PCCA: variants seen among roughly 807,000 people sequenced by gnomAD.
PCCA encodes the protein propionyl-CoA carboxylase subunit alpha.
In PCCA, 74 loss-of-function variants were observed where a neutral mutation model predicts 101.3. The observed-to-expected ratio is 0.73, with a 90% confidence interval of 0.61 to 0.89. The LOEUF is 0.89. Ranked by LOEUF, PCCA falls within the 40% of genes least tolerant of loss-of-function variation. PCCA has a pLI of 0.00. For synonymous variants in PCCA, 294 were observed against 313.6 expected (o/e 0.94, Z 0.66); for missense variants, 891 against 907.0 (o/e 0.98, Z 0.23).
chr13:100,314,830 T>C (rs2067201252), intron 16 of PCCA, among the ~76,000 whole-genome samples: 1 of 152,226 alleles, frequency 6.6e-6, no homozygotes, highest in African/African-American at 2.4e-5. Context: ...CAATGTGTGA[T>C]CCTGGTTTAG....
intron 11 of PCCA, among the ~76,000 whole-genome samples, chr13:100,269,494 G>A (rs55888658): frequency 0.024 from 3,609 of 152,174 alleles, 148 homozygotes; most frequent in African/African-American, 0.084. Context: ...TGTGGTTCTT[G>A]GAAATTCCTT....
chr13:100,422,146 T>C lies in PCCA; in HGVS notation c.1747-3487T>C, dbSNP rs187191852. On this transcript the variant is annotated intron_variant, in intron 19 of 23. Coordinates refer to ENST00000376285, the MANE Select transcript of PCCA (RefSeq NM_000282.4). ...TTCTTTCTTTCTTTCTTTTTTTTTT[T>C]TTTTTTGACAGCATTTTGCTCTGTC... Among the ~76,000 whole-genome samples, 200 of 147,086 alleles carry C rather than the reference T, an allele frequency of 1.4e-3. 2 individuals are homozygous for C. The highest frequency in any genetic ancestry group is 4.8e-3 in the African/African-American group (189 of 39,740).
chr13:100,438,990 T>C (rs757445849), intron 20 of PCCA, among the ~76,000 whole-genome samples: 2 of 151,972 alleles, frequency 1.3e-5, no homozygotes, highest in Non-Finnish European at 2.9e-5. Flanking sequence ...AACAATGGAG[T>C]TGGGTTTAAC....
intron 1 of PCCA, 41 bp from the exon 2 acceptor site, chr13:100,102,842 A>C (rs373673401): frequency 3.0e-5 from 40 of 1,331,546 alleles, no homozygotes; most frequent in Non-Finnish European, 4.1e-5. Context: ...TCTAAAGCCC[A>C]TCAAGTATTT....
At chr13:100,129,532 C>T (rs2050282980) in intron 4 of PCCA, among the ~76,000 whole-genome samples, 1 of 152,144 alleles carries the variant, frequency 6.6e-6, no homozygotes, top group African/African-American at 2.4e-5. Context: ...GCCATTGCTG[C>T]CTCCCACCTT....
intron 7 of PCCA, among the ~76,000 whole-genome samples, chr13:100,212,715 G>A (rs1467968085): frequency 6.6e-6 from 1 of 151,684 alleles, no homozygotes; most frequent in Non-Finnish European, 1.5e-5. Flanking sequence ...TAATGTCTTT[G>A]TGTTACAAAC....
At chr13:100,116,070 G>C (rs2048768588) in intron 4 of PCCA, among the ~76,000 whole-genome samples, 1 of 152,160 alleles carries the variant, frequency 6.6e-6, no homozygotes, top group Admixed American at 6.5e-5. Flanking sequence ...GGCTGAAAAG[G>C]TGAATTCCTG....
At chr13:100,475,952 T>C (rs1021645067) in intron 21 of PCCA, among the ~76,000 whole-genome samples, 2 of 152,218 alleles carry the variant, frequency 1.3e-5, no homozygotes, top group African/African-American at 4.8e-5. Context: ...TTTGTTTTAT[T>C]TTTTTAAAAC....
At chr13:100,322,308 T>C (rs1462615525) in intron 16 of PCCA, among the ~76,000 whole-genome samples, 1 of 152,106 alleles carries the variant, frequency 6.6e-6, no homozygotes, top group Admixed American at 6.5e-5. Context: ...CCTTCCTTTG[T>C]CTAGGAATTA....
Position 100,511,251 on chromosome 13 carries a change from C to T in PCCA, c.1900-4176C>T, listed in dbSNP as rs542889773. Among the ~76,000 whole-genome samples, 182 of 152,248 alleles carry T rather than the reference C, an allele frequency of 1.2e-3. 2 individuals carry two copies. The highest frequency in any genetic ancestry group is 4.0e-3 in the African/African-American group (168 of 41,546). On this transcript the variant is annotated intron_variant, in intron 21 of 23. Transcript: ENST00000376285. ...AAAGATGCATCATTTTTGCATTTCG[C>T]GCTTTCCATCACTTTAAAAACACTG...
chr13:100,136,634 G>C (rs1036623412), intron 4 of PCCA, among the ~76,000 whole-genome samples: 4 of 152,040 alleles, frequency 2.6e-5, no homozygotes, highest in African/African-American at 9.7e-5. Flanking sequence ...TTAGCTTTGT[G>C]TTTTGCCATT....
At position 100,319,088 on chromosome 13, in the gene PCCA, A is replaced by G. The variant is rs1339388788; in HGVS notation, c.1429+9180A>G. ...GTTTGCATTTCTCTGATGGCCAGTG[A>G]TGATGAGCATTTTTTCATTTGTCTG... On this transcript the variant is annotated intron_variant, in intron 16 of 23. Coordinates refer to ENST00000376285, the MANE Select transcript of PCCA (RefSeq NM_000282.4). 2.0e-5 allele frequency among the ~76,000 whole-genome samples: 3 copies of G among 152,228 alleles called. No individual in the cohort carries two copies. The East Asian group carries it at 5.8e-4, about 29-fold the overall frequency.
chr13:100,268,911 G>T, intron 11 of PCCA, 128 bp downstream of exon 11: 1 of 749,330 alleles, frequency 1.3e-6, no homozygotes, highest in African/African-American at 1.7e-5. Flanking sequence ...AGGCAGTGGT[G>T]CAATCACGGC....
intron 19 of PCCA, among the ~76,000 whole-genome samples, chr13:100,373,542 G>A (rs1055698048): frequency 3.9e-5 from 6 of 152,182 alleles, no homozygotes; most frequent in Admixed American, 3.3e-4. Flanking sequence ...GGTACCTGGA[G>A]TAGTCAGACT....
chr13:100,352,733 G>A lies in PCCA; in HGVS notation c.1643+12474G>A, dbSNP rs571439850. Among the ~76,000 whole-genome samples, 7 of 151,808 alleles carry A rather than the reference G, an allele frequency of 4.6e-5. No homozygotes were observed. In the South Asian group the frequency reaches 1.5e-3, roughly 32 times the overall value. On this transcript the variant is annotated intron_variant, in intron 18 of 23. Transcript: ENST00000376285. ...TTTTTTCTTCCAGAGACAGGGTCTT[G>A]CTCTGTCACCCAGGCTAGAATACAG... is the stretch of plus-strand genomic sequence containing the variant.
At chr13:100,285,231 G>T (rs572608882) in intron 12 of PCCA, among the ~76,000 whole-genome samples, 3 of 152,162 alleles carry the variant, frequency 2.0e-5, no homozygotes, top group Non-Finnish European at 2.9e-5. Context: ...CACTCTGTAC[G>T]CTAATCAAGG....
At chr13:100,348,890 T>TTTCC (rs72229087) in intron 18 of PCCA, among the ~76,000 whole-genome samples, 32 of 125,738 alleles carry the variant, frequency 2.5e-4, no homozygotes, top group African/African-American at 9.2e-4. Context: ...CTTTTCTTTC[T>TTTCC]TTCCTTCCTT....
chr13:100,457,708 T>C (rs2081849633), intron 21 of PCCA, among the ~76,000 whole-genome samples: 1 of 152,138 alleles, frequency 6.6e-6, no homozygotes, highest in African/African-American at 2.4e-5. Flanking sequence ...TTTGAAAAGG[T>C]AGTTCAGAGC....
chr13:100,414,012 A>G (rs1362393401), intron 19 of PCCA, among the ~76,000 whole-genome samples: 1 of 152,260 alleles, frequency 6.6e-6, no homozygotes, highest in Non-Finnish European at 1.5e-5. Flanking sequence ...TAAAGTTGTT[A>G]CTGATCAATT....
Sources: gnomAD v4.1 joint callset for allele counts (sites outside exome capture counted in the v4.1 genomes callset) on GRCh38, gnomAD v4.1.1 for gene constraint, MANE v1.5 for transcripts, NCBI Gene and HGNC (gene_info 2026-07-23, HGNC 2026-07-21) for gene names.